AMBRA1: variants seen among roughly 807,000 people sequenced by gnomAD.
AMBRA1 encodes activating molecule in BECN1-regulated autophagy protein 1.
AMBRA1 carries 47 observed loss-of-function variants against 125.4 expected under a neutral mutation model. That is an observed-to-expected ratio of 0.37 (90% CI 0.30 to 0.48). The LOEUF (loss-of-function observed/expected upper bound fraction) is 0.48. Among genes scored for constraint, AMBRA1 ranks in the 20% least tolerant of loss-of-function variants. The pLI, the probability that AMBRA1 is intolerant of heterozygous loss-of-function variation, is 0.99. For missense variants in AMBRA1, 1,331 were observed against 1,693.4 expected (o/e 0.79, Z 3.76); for synonymous variants, 626 against 655.5 (o/e 0.95, Z 0.69).
chr11:46,426,954 C>T (rs867254559), intron 14 of AMBRA1, among the ~76,000 whole-genome samples: 1 of 152,114 alleles, frequency 6.6e-6, no homozygotes, highest in African/African-American at 2.4e-5. Flanking sequence ...CAAGTCCAGA[C>T]AAGATTAAGA....
At chr11:46,444,338 A>T (rs1475832813) in intron 11 of AMBRA1, among the ~76,000 whole-genome samples, 1 of 152,192 alleles carries the variant, frequency 6.6e-6, no homozygotes, top group Non-Finnish European at 1.5e-5. Context: ...TCTCTGAGAT[A>T]TATTCTTCTG....
At chr11:46,399,139 A>G (rs1326811165) in intron 17 of AMBRA1, among the ~76,000 whole-genome samples, 2 of 151,918 alleles carry the variant, frequency 1.3e-5, no homozygotes, top group Non-Finnish European at 2.9e-5. Flanking sequence ...CAATGATGCG[A>G]TCTCAGCTCA....
At chr11:46,435,403 A>G (rs886186646) in intron 12 of AMBRA1, among the ~76,000 whole-genome samples, 1 of 152,236 alleles carries the variant, frequency 6.6e-6, no homozygotes, top group Non-Finnish European at 1.5e-5. Context: ...ACCAAGATAA[A>G]TGAAAATGCA....
At chr11:46,532,426 T>C (rs1215464808) in intron 7 of AMBRA1, among the ~76,000 whole-genome samples, 2 of 152,180 alleles carry the variant, frequency 1.3e-5, no homozygotes, top group Admixed American at 6.5e-5. Flanking sequence ...TAAGAGCTTA[T>C]GGGGGAAGAA....
chr11:46,417,872 G>A (rs894722130), intron 15 of AMBRA1, 41 bp downstream of exon 15: 2 of 1,561,842 alleles, frequency 1.3e-6, no homozygotes, highest in Non-Finnish European at 1.7e-6. Flanking sequence ...CCAGTCCTCG[G>A]CCCCAGTGAT....
intron 14 of AMBRA1, among the ~76,000 whole-genome samples, chr11:46,431,920 G>C (rs1308199488): frequency 6.6e-6 from 1 of 152,134 alleles, no homozygotes; most frequent in Non-Finnish European, 1.5e-5. Context: ...GTGATATCAA[G>C]AGGACAGAAT....
intron 15 of AMBRA1, among the ~76,000 whole-genome samples, chr11:46,412,738 G>T (rs1335236614): frequency 6.6e-6 from 1 of 152,184 alleles, no homozygotes; most frequent in Non-Finnish European, 1.5e-5. Flanking sequence ...GGGGTTTGGG[G>T]ATTGTCTGAG....
chr11:46,497,249 G>A (rs917416679), intron 9 of AMBRA1, among the ~76,000 whole-genome samples: 3 of 152,200 alleles, frequency 2.0e-5, no homozygotes, highest in Admixed American at 1.3e-4. Context: ...TATGGTCAGA[G>A]ATAATGGCTT....
intron 11 of AMBRA1, among the ~76,000 whole-genome samples, chr11:46,447,147 G>A (rs543120377): frequency 1.1e-4 from 16 of 152,090 alleles, no homozygotes; most frequent in Admixed American, 1.3e-4. Context: ...GGTGGCTCAC[G>A]CCCATAACCC....
chr11:46,467,099 T>G (rs1949361471), intron 11 of AMBRA1, among the ~76,000 whole-genome samples: 1 of 152,006 alleles, frequency 6.6e-6, no homozygotes, highest in Admixed American at 6.6e-5. Flanking sequence ...GTATTTTTAG[T>G]AGAGAAGGGG....
At chr11:46,507,495 AAG>A (rs1951093321) in intron 9 of AMBRA1, among the ~76,000 whole-genome samples, 1 of 151,880 alleles carries the variant, frequency 6.6e-6, no homozygotes, top group African/African-American at 2.4e-5. Flanking sequence ...AAAAAAAAAA[AAG>A]ATTGGCTAGC....
At chr11:46,492,974 G>A (rs969072695) in intron 11 of AMBRA1, among the ~76,000 whole-genome samples, 1 of 152,190 alleles carries the variant, frequency 6.6e-6, no homozygotes, top group Admixed American at 6.5e-5. Context: ...GCTTGAACCC[G>A]GGAGGTGGAG....
intron 12 of AMBRA1, 43 bp from the exon 13 acceptor site, chr11:46,435,080 GT>G: frequency 1.3e-6 from 2 of 1,505,584 alleles, no homozygotes; most frequent in African/African-American, 2.8e-5. Flanking sequence ...AAACTTTGGA[GT>G]TGATACTGTA....
chr11:46,498,234 C>T (rs766577723), intron 9 of AMBRA1, among the ~76,000 whole-genome samples: 2 of 152,126 alleles, frequency 1.3e-5, no homozygotes, highest in Non-Finnish European at 2.9e-5. Context: ...ACACCCTTTC[C>T]AAGGGTAATG....
chr11:46,547,582 T>C (rs568745134), intron 3 of AMBRA1, among the ~76,000 whole-genome samples: 2 of 152,268 alleles, frequency 1.3e-5, no homozygotes, highest in East Asian at 1.9e-4. Context: ...AGGCAAATGA[T>C]TGTTATTGAG....
At chr11:46,467,407 T>C (rs928818042) in intron 11 of AMBRA1, among the ~76,000 whole-genome samples, 9 of 152,196 alleles carry the variant, frequency 5.9e-5, no homozygotes, top group African/African-American at 1.9e-4. Flanking sequence ...AAATTCGTAT[T>C]TCCTTTCACA....
chr11:46,487,846 AAAC>A (rs1446472089), intron 11 of AMBRA1, among the ~76,000 whole-genome samples: 1 of 152,190 alleles, frequency 6.6e-6, no homozygotes, highest in African/African-American at 2.4e-5. Context: ...TGAATGGACT[AAAC>A]AATCAAAAAG....
chr11:46,558,789 C>T (rs1430963731), intron 1 of AMBRA1, among the ~76,000 whole-genome samples: 1 of 152,092 alleles, frequency 6.6e-6, no homozygotes. Context: ...ATTATAAACT[C>T]TGTGAGGGCA....
rs1952844273 is a variant in AMBRA1 at position 46,543,307 on chromosome 11, G to A, written c.710C>T (p.Thr237Met). ...ALLQSQPVRRTPLLHNFLHML... is the reference protein window; with the variant it reads ...ALLQSQPVRRMPLLHNFLHML... ...GTGCAGGAAATTGTGGAGGAGAGGC[G>A]TCCGGCGAACTGGCTGTGATTGCAG... The change falls in exon 7 of 18, where the codon ACG becomes ATG. Residue 237 changes from threonine to methionine, a missense_variant. By Grantham distance (81) the Thr-to-Met change is moderately conservative (BLOSUM62 -1). Around this residue, in one of 4 missense-constraint regions of AMBRA1, gnomAD observed 689 missense variants for 776.5 expected, o/e 0.89. Coordinates refer to ENST00000683756, the MANE Select transcript of AMBRA1 (RefSeq NM_001387011.1). The A allele has an allele frequency of 5.6e-6, 9 of 1,614,036 alleles. No individual in the cohort carries two copies. Among genetic ancestry groups the A allele is most frequent in the East Asian group, 2.2e-5 (1 of 44,872 alleles).
Sources: allele counts gnomAD v4.1 joint callset (sites outside exome capture counted in the v4.1 genomes callset), GRCh38; gene constraint gnomAD v4.1.1; regional missense constraint gnomAD v4.1.1; transcripts MANE v1.5; gene names NCBI Gene and HGNC (gene_info 2026-07-23, HGNC 2026-07-21).